GMPR: variants seen among roughly 807,000 people sequenced by gnomAD.
GMPR encodes GMP reductase 1.
A neutral mutation model predicts 38.4 loss-of-function variants in GMPR; 31 were observed. The observed-to-expected ratio is 0.81, with a 90% CI of 0.61 to 1.09. The LOEUF is 1.09. GMPR is among the 50% of genes least tolerant of loss of function. GMPR has a pLI of 0.00. For synonymous variants in GMPR, 162 were observed against 173.3 expected (o/e 0.93, Z 0.51); for missense variants, 468 against 453.7 (o/e 1.03, Z -0.29).
intron 3 of GMPR, among the ~76,000 whole-genome samples, chr6:16,253,042 T>C (rs1561821040): frequency 6.6e-6 from 1 of 152,212 alleles, no homozygotes; most frequent in Non-Finnish European, 1.5e-5. Flanking sequence ...AGGCATAAAT[T>C]AGTGAAAGCA....
chr6:16,244,205 T>C (rs543092675), intron 1 of GMPR, among the ~76,000 whole-genome samples: 1 of 151,706 alleles, frequency 6.6e-6, no homozygotes, highest in South Asian at 2.1e-4. Context: ...TGTCCTCTAT[T>C]TGTACTTTTT....
At chr6:16,252,615 C>T (rs1004624983) in intron 3 of GMPR, among the ~76,000 whole-genome samples, 2 of 152,190 alleles carry the variant, frequency 1.3e-5, no homozygotes, top group African/African-American at 4.8e-5. Flanking sequence ...AAGTGTGATA[C>T]ATCGACTTAC....
intron 1 of GMPR, among the ~76,000 whole-genome samples, chr6:16,241,357 C>G (rs955241186): frequency 1.3e-5 from 2 of 152,144 alleles, no homozygotes; most frequent in African/African-American, 2.4e-5. Context: ...AGAGTGATCT[C>G]CCCCTCAGAA....
At chr6:16,289,600 A>T (rs980346986) in intron 7 of GMPR, 1 of 152,148 alleles carries the variant, frequency 6.6e-6, no homozygotes, top group Middle Eastern at 3.2e-3. Flanking sequence ...GTACTCTGGA[A>T]ATCTAATGTG....
rs545498272 is a variant in GMPR, at chr6:16,286,193, C to T, written c.697+358C>T. On this transcript the variant is annotated intron_variant, in intron 7 of 8. Transcript: ENST00000259727. ...TTTTGGACCCAGCTTGGAGAAGTCC[C>T]GTGGAAGGGACAGGAGGAATCCCGC... Among the ~76,000 whole-genome samples, 124 of 152,110 alleles carry T rather than the reference C, an allele frequency of 8.2e-4. 2 individuals carry two copies. The highest frequency in any genetic ancestry group is 2.9e-3 in the African/African-American group (119 of 41,492).
At chr6:16,251,478 G>A (rs996128710) in intron 3 of GMPR, among the ~76,000 whole-genome samples, 1 of 152,210 alleles carries the variant, frequency 6.6e-6, no homozygotes, top group Non-Finnish European at 1.5e-5. Flanking sequence ...GCTGAGGCAG[G>A]AACATTGCTT....
chr6:16,239,882 CAGGACTGG>C (rs1213263330), intron 1 of GMPR, among the ~76,000 whole-genome samples: 2 of 152,222 alleles, frequency 1.3e-5, no homozygotes, highest in Non-Finnish European at 2.9e-5. Flanking sequence ...TGGAGCCCGG[CAGGACTGG>C]AGGACGTAGG....
intron 8 of GMPR, 80 bp downstream of exon 8, chr6:16,290,701 T>G: frequency 4.1e-6 from 5 of 1,218,836 alleles, no homozygotes; most frequent in Non-Finnish European, 4.8e-6. Context: ...CAGGTCTGAA[T>G]AGCAGCTCTG....
At chr6:16,269,649 T>C (rs1371115409) in intron 4 of GMPR, among the ~76,000 whole-genome samples, 1 of 151,968 alleles carries the variant, frequency 6.6e-6, no homozygotes, top group African/African-American at 2.4e-5. Context: ...TACAAAAAAT[T>C]AGCTGGGCGT....
intron 6 of GMPR, among the ~76,000 whole-genome samples, chr6:16,281,466 G>A (rs149185930): frequency 2.0e-5 from 3 of 152,036 alleles, no homozygotes; most frequent in Middle Eastern, 3.4e-3. Flanking sequence ...TGTTCTCTGA[G>A]GTTCTTTTTT....
chr6:16,253,774 G>A (rs1003384585), intron 3 of GMPR, among the ~76,000 whole-genome samples: 1 of 152,230 alleles, frequency 6.6e-6, no homozygotes, highest in Admixed American at 6.5e-5. Context: ...CCCAAGCAAG[G>A]TGCTCAGGGT....
At chr6:16,261,616 G>A (rs1323950815) in intron 4 of GMPR, among the ~76,000 whole-genome samples, 2 of 151,996 alleles carry the variant, frequency 1.3e-5, no homozygotes, top group Non-Finnish European at 1.5e-5. Context: ...GGCTTGTCTG[G>A]TTTTAGGACA....
chr6:16,257,810 T>C (rs1468590222), intron 4 of GMPR, among the ~76,000 whole-genome samples: 1 of 152,170 alleles, frequency 6.6e-6, no homozygotes, highest in Non-Finnish European at 1.5e-5. Context: ...AGGGCACTAA[T>C]CGCATTCATG....
At chr6:16,281,088 T>C (rs535392597) in intron 6 of GMPR, among the ~76,000 whole-genome samples, 1 of 152,308 alleles carries the variant, frequency 6.6e-6, no homozygotes, top group South Asian at 2.1e-4. Flanking sequence ...ACCTAATTTA[T>C]AGTGTATCTC....
intron 4 of GMPR, among the ~76,000 whole-genome samples, chr6:16,267,747 T>C (rs1429042365): frequency 6.6e-6 from 1 of 152,192 alleles, no homozygotes; most frequent in Non-Finnish European, 1.5e-5. Flanking sequence ...GCTTTTGTGC[T>C]GGTGGCTCTT....
chr6:16,246,315 G>A (rs1182295447), intron 1 of GMPR, among the ~76,000 whole-genome samples: 2 of 152,304 alleles, frequency 1.3e-5, no homozygotes, highest in East Asian at 3.9e-4. Flanking sequence ...TGATATGCAG[G>A]AACATATGGT....
chr6:16,264,980 G>A (rs1008646042), intron 4 of GMPR, among the ~76,000 whole-genome samples: 7 of 152,204 alleles, frequency 4.6e-5, no homozygotes, highest in African/African-American at 2.4e-5. Flanking sequence ...GTCCTATTGA[G>A]GGGCTGGCTG....
chr6:16,268,954 T>G (rs1016983045), intron 4 of GMPR, among the ~76,000 whole-genome samples: 1 of 151,028 alleles, frequency 6.6e-6, no homozygotes, highest in Non-Finnish European at 1.5e-5. Context: ...TATTTTTAGG[T>G]GTACAGTTCA....
intron 4 of GMPR, among the ~76,000 whole-genome samples, chr6:16,267,371 A>AT (rs1455501868): frequency 4.7e-5 from 7 of 150,046 alleles, no homozygotes; most frequent in Non-Finnish European, 8.9e-5. Flanking sequence ...CTCCGTCTCA[A>AT]AAAACAAAGA....
Sources: allele counts gnomAD v4.1 joint callset (sites outside exome capture counted in the v4.1 genomes callset), GRCh38; gene constraint gnomAD v4.1.1; transcripts MANE v1.5; gene names NCBI Gene and HGNC (gene_info 2026-07-23, HGNC 2026-07-21).